Variants in GIGYF2 observed in about 807,000 individuals in gnomAD.
GIGYF2 encodes the protein GRB10-interacting GYF protein 2.
GIGYF2 carries 25 observed loss-of-function variants against 208.1 expected under a neutral mutation model. That is an observed-to-expected ratio of 0.12 (90% CI 0.09 to 0.17). The LOEUF (loss-of-function observed/expected upper bound fraction) is 0.17, where lower values mean the gene tolerates loss of function less well. Among genes scored for constraint, GIGYF2 ranks in the 10% least tolerant of loss-of-function variants. The pLI is 1.00. For synonymous variants in GIGYF2, 534 were observed against 543.8 expected, an observed-to-expected ratio of 0.98 and a Z score of 0.25; for missense variants, 1,302 against 1,579.4, an observed-to-expected ratio of 0.82 and a Z score of 2.98.
At chr2:232,713,952 CTCTTTTTTTTTTTTT>C (rs1268934092) in intron 2 of GIGYF2, among the ~76,000 whole-genome samples, 1 of 113,868 alleles carries the variant, frequency 8.8e-6, no homozygotes, top group African/African-American at 3.5e-5. Context: ...TTTTTTTTTT[CTCTTTTTTTTTTTTT>C]GAGACGGAGT....
intron 16 of GIGYF2, 147 bp from the exon 17 acceptor site, chr2:232,811,094 TATC>T (rs1700720385): frequency 3.2e-6 from 2 of 622,316 alleles, no homozygotes; most frequent in East Asian, 2.9e-5. Flanking sequence ...ATGTGTCTAT[TATC>T]ATAATGAAGA....
chr2:232,841,966 A>AG (rs1701829204), intron 23 of GIGYF2, among the ~76,000 whole-genome samples: 1 of 151,992 alleles, frequency 6.6e-6, no homozygotes, highest in African/African-American at 2.4e-5. Context: ...GAATGTAGCT[A>AG]GGACTACAGG....
At chr2:232,801,208 A>C (rs537681472) in intron 14 of GIGYF2, among the ~76,000 whole-genome samples, 1 of 152,212 alleles carries the variant, frequency 6.6e-6, no homozygotes, top group African/African-American at 2.4e-5. Context: ...ACCTGGCCAA[A>C]AAATTTTATT....
intron 8 of GIGYF2, among the ~76,000 whole-genome samples, chr2:232,764,937 T>C (rs1003780423): frequency 6.6e-6 from 1 of 152,190 alleles, no homozygotes; most frequent in African/African-American, 2.4e-5. Context: ...TTTATTTACA[T>C]CCCATTGGTA....
Position 232,859,739 on chromosome 2 carries a change from T to C in GIGYF2, c.*2879T>C, listed in dbSNP as rs1690703784. ...AGATGGCTCACTCGTGTAATGACAG[T>C]TGACGTTGGCTGTAGGCTGGGAACT... On this transcript the variant is annotated 3_prime_UTR_variant, in exon 29 of 29. Transcript: ENST00000373563. 1 of 152,246 alleles carries C rather than the reference T, an allele frequency of 6.6e-6. No homozygotes were observed. The highest frequency in any genetic ancestry group is 2.1e-4 in the South Asian group (1 of 4,816). 9.4% of individuals were successfully genotyped at this position (152,246 alleles called of 1,614,324 possible).
chr2:232,847,597 T>C (rs774552675), intron 27 of GIGYF2, 26 bp downstream of exon 27: 1 of 1,611,108 alleles, frequency 6.2e-7, no homozygotes, highest in Non-Finnish European at 8.5e-7. Context: ...GTGTATGCGG[T>C]ACCTCTGAGG....
At chr2:232,783,785 A>G (rs2106356205) in intron 8 of GIGYF2, among the ~76,000 whole-genome samples, 1 of 152,246 alleles carries the variant, frequency 6.6e-6, no homozygotes, top group African/African-American at 2.4e-5. Flanking sequence ...CACCCGCTTC[A>G]AGTGATTCTC....
At chr2:232,836,335 T>TAA (rs1701626037) in intron 22 of GIGYF2, among the ~76,000 whole-genome samples, 1 of 43,600 alleles carries the variant, frequency 2.3e-5, no homozygotes, top group Non-Finnish European at 4.5e-5. Context: ...TATATACATA[T>TAA]ATATACTTAT....
chr2:232,855,695 T>C (rs921955231), intron 28 of GIGYF2, among the ~76,000 whole-genome samples: 6 of 152,148 alleles, frequency 3.9e-5, no homozygotes, highest in Non-Finnish European at 8.8e-5. Flanking sequence ...TTAAAGTGGG[T>C]TGAGGTTTAA....
chr2:232,787,282 TAGCTGGATCAAGG>T lies in GIGYF2; in HGVS notation c.668_680del (p.Ala223GlyfsTer52). The T allele has an allele frequency of 6.2e-7, 1 of 1,614,064 alleles. No homozygotes were observed. The highest frequency in any genetic ancestry group is 8.5e-7 in the Non-Finnish European group (1 of 1,179,998). On this transcript the variant is annotated frameshift_variant, in exon 9 of 29. Coordinates refer to ENST00000373563, the MANE Select transcript of GIGYF2 (RefSeq NM_001103146.3). LOFTEE classifies it high-confidence loss of function. ...GAAGATGAAGATGGAGGTTGGCGACTAGCTGGATCAAGGAGGGATGGAGAGAGGTGGCGACCTC... is the reference window on the plus strand; with the variant it reads ...GAAGATGAAGATGGAGGTTGGCGACTAGGGATGGAGAGAGGTGGCGACCTC...
chr2:232,817,619 T>G (rs1700953663), intron 20 of GIGYF2, among the ~76,000 whole-genome samples: 1 of 152,242 alleles, frequency 6.6e-6, no homozygotes, highest in South Asian at 2.1e-4. Flanking sequence ...CAATTTCTTA[T>G]GTAAGTAGAA....
chr2:232,775,516 T>C (rs1699476372), intron 8 of GIGYF2, among the ~76,000 whole-genome samples: 1 of 152,180 alleles, frequency 6.6e-6, no homozygotes, highest in Non-Finnish European at 1.5e-5. Context: ...TTACCTGATA[T>C]TTAAGTCTCA....
intron 18 of GIGYF2, among the ~76,000 whole-genome samples, chr2:232,814,769 G>A (rs1305720871): frequency 6.6e-6 from 1 of 152,046 alleles, no homozygotes; most frequent in Non-Finnish European, 1.5e-5. Context: ...ATTCTGTAGT[G>A]TTTTGGAAAC....
At position 232,816,933 on chromosome 2, in the gene GIGYF2, G is replaced by A. The variant is rs564302499; in HGVS notation, c.2271G>A (p.Arg757=). 3 of 1,612,018 alleles carry A rather than the reference G, an allele frequency of 1.9e-6. No individual in the cohort carries two copies. Among genetic ancestry groups the A allele is most frequent in the African/African-American group, 2.7e-5 (2 of 74,988 alleles). The part of the protein sequence containing the change: ...RAKREEEERK[R]QEELRRQQEE... ...AACGGGAAGAGGAAGAGCGAAAGAG[G>A]CAGGAAGAACTCCGAAGACAACAGG... Residue 757 remains arginine (R), a synonymous_variant, in exon 20 of 29, where the codon AGG becomes AGA. Transcript: ENST00000373563.
At chr2:232,717,885 C>A (rs1011084981) in intron 2 of GIGYF2, among the ~76,000 whole-genome samples, 1 of 152,014 alleles carries the variant, frequency 6.6e-6, no homozygotes, top group African/African-American at 2.4e-5. Flanking sequence ...CAGACACCTC[C>A]CATTAGACCT....
At chr2:232,834,320 G>A (rs1029605497) in intron 22 of GIGYF2, among the ~76,000 whole-genome samples, 3 of 152,182 alleles carry the variant, frequency 2.0e-5, no homozygotes, top group Non-Finnish European at 4.4e-5. Context: ...GAACTTGTGA[G>A]ATGTGCAGAT....
intron 20 of GIGYF2, among the ~76,000 whole-genome samples, chr2:232,817,978 CCTA>C (rs1700964497): frequency 6.6e-6 from 1 of 152,196 alleles, no homozygotes; most frequent in Non-Finnish European, 1.5e-5. Flanking sequence ...ACTTTATATT[CCTA>C]CTGACAAGGC....
At position 232,741,477 on chromosome 2, in the gene GIGYF2, C is replaced by G. The variant is rs190313926; in HGVS notation, c.42-6138C>G. Among the ~76,000 whole-genome samples, 10 of 150,694 alleles carry G rather than the reference C, an allele frequency of 6.6e-5. No individual in the cohort carries two copies. In the East Asian group the frequency reaches 1.4e-3, roughly 21 times the overall value. On this transcript the variant is annotated intron_variant, in intron 3 of 28. Transcript: ENST00000373563. ...TTTTTGTTTGAAATGGAATCTCACT[C>G]TGTCACCCAAGCTGCGGTGCAGTGG...
At chr2:232,737,494 C>G (rs1353774797) in intron 3 of GIGYF2, among the ~76,000 whole-genome samples, 12 of 152,134 alleles carry the variant, frequency 7.9e-5, no homozygotes, top group Non-Finnish European at 1.8e-4. Context: ...GCATAGTGCC[C>G]TATTTGTATC....
Sources: allele counts gnomAD v4.1 joint callset (sites outside exome capture counted in the v4.1 genomes callset), GRCh38; gene constraint gnomAD v4.1.1; transcripts MANE v1.5; gene names NCBI Gene and HGNC (gene_info 2026-07-23, HGNC 2026-07-21).